The following FCHO2 variants were observed in gnomAD, a reference collection of about 807,000 sequenced individuals.
FCHO2 encodes the protein F-BAR domain only protein 2.
In FCHO2, 43 loss-of-function variants were observed where a neutral mutation model predicts 114.1. The ratio of observed to expected loss-of-function variants is 0.38; its 90% CI spans 0.30 to 0.49. The LOEUF is 0.49. FCHO2 is among the 20% of genes least tolerant of loss of function. The probability of loss-of-function intolerance (pLI) is 0.97; values close to 1 mark genes in which losing one functional copy is unlikely to be tolerated. For synonymous variants in FCHO2, 293 were observed against 315.2 expected (o/e 0.93, Z 0.75); for missense variants, 807 against 950.4 (o/e 0.85, Z 1.98).
intron 9 of FCHO2, among the ~76,000 whole-genome samples, chr5:73,034,946 A>T (rs1756422132): frequency 6.6e-6 from 1 of 152,200 alleles, no homozygotes; most frequent in Admixed American, 6.5e-5. Flanking sequence ...TATAACATGC[A>T]TTTGTTTTTA....
intron 19 of FCHO2, 93 bp from the exon 20 acceptor site, chr5:73,074,649 G>A (rs566074073): frequency 1.4e-5 from 17 of 1,176,770 alleles, no homozygotes; most frequent in East Asian, 1.3e-4. Flanking sequence ...TGGTAGGGTC[G>A]TTTGTGACAG....
chr5:73,044,992 A>C (rs141110138), intron 11 of FCHO2, among the ~76,000 whole-genome samples: 1 of 152,334 alleles, frequency 6.6e-6, no homozygotes, highest in Admixed American at 6.5e-5. Flanking sequence ...GTTTCTGTGC[A>C]TAGTTCTAGC....
intron 5 of FCHO2, among the ~76,000 whole-genome samples, chr5:72,995,611 G>A (rs1481126192): frequency 3.9e-5 from 6 of 152,064 alleles, no homozygotes; most frequent in East Asian, 1.9e-4. Context: ...TGAGAAGGAC[G>A]TCCGAGGTTG....
chr5:73,028,941 C>T (rs1254496847), intron 8 of FCHO2, among the ~76,000 whole-genome samples: 1 of 152,042 alleles, frequency 6.6e-6, no homozygotes, highest in Non-Finnish European at 1.5e-5. Context: ...CCACCGTGCC[C>T]AGCCCATACT....
rs575325265 is a variant in FCHO2 at position 73,043,406 on chromosome 5, A to T, written c.939+2091A>T. Among the ~76,000 whole-genome samples the T allele has an allele frequency of 8.8e-5, 12 of 135,926 alleles. No individual in the cohort carries two copies. The East Asian group carries it at 2.9e-3, about 33-fold the overall frequency. The allele number at this position is 135,926 out of a possible 152,430, so 89.2% of individuals were successfully genotyped here. ...TATAGTAACAAAACTTTACACACAC[A>T]CATACACACACACACACACATTGTA... is the stretch of plus-strand genomic sequence containing the variant. On this transcript the variant is annotated intron_variant, in intron 11 of 25. Transcript: ENST00000430046.
chr5:72,994,150 C>T (rs576226515), intron 5 of FCHO2, among the ~76,000 whole-genome samples: 2 of 152,208 alleles, frequency 1.3e-5, no homozygotes, highest in South Asian at 2.1e-4. Flanking sequence ...TCTAATTAAA[C>T]GTAATGGTTT....
intron 5 of FCHO2, among the ~76,000 whole-genome samples, chr5:73,003,438 A>G (rs1288203706): frequency 6.6e-6 from 1 of 152,040 alleles, no homozygotes; most frequent in African/African-American, 2.4e-5. Flanking sequence ...TTGGCCTCCC[A>G]AAGTGCTGGG....
intron 1 of FCHO2, among the ~76,000 whole-genome samples, chr5:72,964,599 G>A (rs892857847): frequency 1.3e-5 from 2 of 152,122 alleles, no homozygotes; most frequent in Non-Finnish European, 2.9e-5. Flanking sequence ...TGTTGGCCAG[G>A]CTGGTCTCAA....
intron 16 of FCHO2, among the ~76,000 whole-genome samples, chr5:73,056,545 A>G (rs775553483): frequency 6.6e-6 from 1 of 152,062 alleles, no homozygotes; most frequent in African/African-American, 2.4e-5. Flanking sequence ...TCTGTTAATC[A>G]TCCTGTTTTC....
chr5:72,963,199 A>G (rs552967401), intron 1 of FCHO2, among the ~76,000 whole-genome samples: 3 of 152,282 alleles, frequency 2.0e-5, no homozygotes, highest in Admixed American at 6.5e-5. Flanking sequence ...ACTTTAGGGA[A>G]AAGATTGGAA....
At chr5:72,989,534 A>G (rs369327724) in intron 3 of FCHO2, 33 bp downstream of exon 3, 60 of 1,549,130 alleles carry the variant, frequency 3.9e-5, no homozygotes, top group Non-Finnish European at 5.2e-5. Context: ...TTCAGTGTTT[A>G]TTTAGGCAAA....
At chr5:73,015,867 T>G (rs937319318) in intron 7 of FCHO2, 143 bp downstream of exon 7, 1 of 429,130 alleles carries the variant, frequency 2.3e-6, no homozygotes, top group African/African-American at 2.1e-5. Flanking sequence ...GATAATATAT[T>G]TACATGTAGT....
intron 11 of FCHO2, among the ~76,000 whole-genome samples, chr5:73,046,760 T>C (rs1257264451): frequency 6.6e-6 from 1 of 152,188 alleles, no homozygotes; most frequent in African/African-American, 2.4e-5. Context: ...ATGGCCTTTG[T>C]CATCTTTTTA....
intron 6 of FCHO2, among the ~76,000 whole-genome samples, chr5:73,010,875 C>CAAAA (rs57820498): frequency 5.8e-4 from 15 of 25,742 alleles, no homozygotes; most frequent in Non-Finnish European, 8.2e-4. Flanking sequence ...GACTCTGTCT[C>CAAAA]AAAAAAAAAA....
intron 17 of FCHO2, among the ~76,000 whole-genome samples, chr5:73,060,036 ATAAT>A (rs1757781937): frequency 2.0e-5 from 3 of 151,944 alleles, no homozygotes; most frequent in African/African-American, 7.2e-5. Flanking sequence ...AAATTTCTTT[ATAAT>A]TCTGCTCATT....
At chr5:73,009,873 G>A (rs1418204204) in intron 6 of FCHO2, among the ~76,000 whole-genome samples, 2 of 152,086 alleles carry the variant, frequency 1.3e-5, no homozygotes, top group East Asian at 3.9e-4. Flanking sequence ...ATTTATTTGA[G>A]CAAATGTGTG....
intron 8 of FCHO2, among the ~76,000 whole-genome samples, chr5:73,017,593 T>C (rs1446314095): frequency 6.6e-6 from 1 of 152,006 alleles, no homozygotes; most frequent in Non-Finnish European, 1.5e-5. Flanking sequence ...TTTAAAGTGG[T>C]TATTATAACA....
At chr5:72,970,053 C>T (rs996452543) in intron 2 of FCHO2, among the ~76,000 whole-genome samples, 27 of 152,186 alleles carry the variant, frequency 1.8e-4, no homozygotes, top group Admixed American at 6.5e-5. Flanking sequence ...GCTCTATCTA[C>T]AGTTGTTCTT....
intron 1 of FCHO2, among the ~76,000 whole-genome samples, chr5:72,964,077 T>C (rs967631245): frequency 1.3e-5 from 2 of 151,978 alleles, no homozygotes; most frequent in Admixed American, 6.5e-5. Context: ...TTGAAAGTAA[T>C]GAAAAATACT....
Sources: allele counts gnomAD v4.1 joint callset (sites outside exome capture counted in the v4.1 genomes callset), GRCh38; gene constraint gnomAD v4.1.1; transcripts MANE v1.5; gene names NCBI Gene and HGNC (gene_info 2026-07-23, HGNC 2026-07-21).